Variants in HEATR9 observed in about 807,000 individuals in gnomAD.
The protein encoded by HEATR9 is protein HEATR9.
Under a neutral mutation model 68.2 loss-of-function variants are expected in HEATR9, and 54 were observed. The observed-to-expected ratio is 0.79, with a 90% CI of 0.64 to 0.99. HEATR9 has a LOEUF of 0.99. Ranked by LOEUF, HEATR9 falls within the 50% of genes least tolerant of loss-of-function variation. The pLI is 0.00. For missense variants in HEATR9, 662 were observed against 679.7 expected, an observed-to-expected ratio of 0.97 and a Z score of 0.29; for synonymous variants, 241 against 253.5, an observed-to-expected ratio of 0.95 and a Z score of 0.47.
intron 8 of HEATR9, chr17:35,861,416 A>G: frequency 6.2e-7 from 1 of 1,609,064 alleles, no homozygotes; most frequent in Non-Finnish European, 8.5e-7. Context: ...GCTTTGGTCC[A>G]CCTAACTTTG....
chr17:35,857,820 A>G (rs1182320940), intron 11 of HEATR9, among the ~76,000 whole-genome samples: 2 of 152,172 alleles, frequency 1.3e-5, no homozygotes, highest in Admixed American at 1.3e-4. Flanking sequence ...ATATAAAAGC[A>G]AGGGAACATA....
chr17:35,860,253 G>A (rs1277084549), intron 8 of HEATR9, among the ~76,000 whole-genome samples: 2 of 150,132 alleles, frequency 1.3e-5, no homozygotes, highest in Non-Finnish European at 3.0e-5. Context: ...TTAGCTGGGC[G>A]CAGTGGCAGC....
intron 7 of HEATR9, 65 bp from the exon 8 acceptor site, chr17:35,863,190 A>T: frequency 6.2e-7 from 1 of 1,601,432 alleles, no homozygotes; most frequent in South Asian, 1.1e-5. Flanking sequence ...GCAAGGACCC[A>T]TTGAACTCCA....
intron 6 of HEATR9, chr17:35,863,949 A>C (rs1431702533): frequency 3.7e-6 from 2 of 537,920 alleles, no homozygotes; most frequent in Non-Finnish European, 6.6e-6. Context: ...CGGTGTTTCC[A>C]GTAAAGGCAG....
intron 12 of HEATR9, chr17:35,856,472 C>G (rs1182362939): frequency 9.1e-7 from 1 of 1,098,594 alleles, no homozygotes; most frequent in African/African-American, 1.6e-5. Context: ...AAGTTCTTTT[C>G]ATGTCATAAT....
At chr17:35,865,681 G>T (rs2143968961) in intron 2 of HEATR9, among the ~76,000 whole-genome samples, 1 of 152,342 alleles carries the variant, frequency 6.6e-6, no homozygotes. Context: ...GATCCAGATT[G>T]TGAAGCCACT....
intron 13 of HEATR9, 105 bp downstream of exon 13, chr17:35,856,068 C>T (rs2087759834): frequency 5.5e-6 from 7 of 1,271,254 alleles, no homozygotes; most frequent in Non-Finnish European, 7.9e-6. Flanking sequence ...TAAACAACTT[C>T]CCCGAAGTTT....
At chr17:35,857,651 C>T (rs1036398675) in intron 11 of HEATR9, among the ~76,000 whole-genome samples, 37 of 151,720 alleles carry the variant, frequency 2.4e-4, no homozygotes, top group Non-Finnish European at 4.1e-4. Flanking sequence ...CCCAGCTACT[C>T]GGGAGGCTGA....
intron 11 of HEATR9, among the ~76,000 whole-genome samples, chr17:35,857,554 T>TCA (rs1470766681): frequency 6.6e-6 from 1 of 152,090 alleles, no homozygotes; most frequent in East Asian, 1.9e-4. Flanking sequence ...GGTCAGGAGA[T>TCA]CGAGCCCATC....
At chr17:35,867,930 G>A (rs1050799125) in intron 1 of HEATR9, among the ~76,000 whole-genome samples, 5 of 151,976 alleles carry the variant, frequency 3.3e-5, no homozygotes, top group African/African-American at 1.2e-4. Flanking sequence ...ATAGGTGCCC[G>A]CCACCACACC....
At chr17:35,865,110 T>C (rs1196554008) in intron 3 of HEATR9, 105 bp downstream of exon 3, 20 of 1,396,486 alleles carry the variant, frequency 1.4e-5, no homozygotes, top group Non-Finnish European at 1.2e-5. Flanking sequence ...CTCTGGGACC[T>C]GTAGGCTGAC....
At chr17:35,855,846 T>C (rs748376614) in intron 13 of HEATR9, 96 bp from the exon 14 acceptor site, 9 of 1,038,052 alleles carry the variant, frequency 8.7e-6, no homozygotes, top group Admixed American at 3.6e-5. Flanking sequence ...CTCTGCAGCA[T>C]AGAGAGGGGG....
intron 1 of HEATR9, among the ~76,000 whole-genome samples, chr17:35,867,096 A>T (rs1462374892): frequency 5.5e-5 from 1 of 18,042 alleles, no homozygotes; most frequent in East Asian, 5.7e-4. Context: ...CTAAAAATAC[A>T]AAAAAAAAAA....
intron 8 of HEATR9, chr17:35,861,271 A>G: frequency 6.9e-7 from 1 of 1,454,862 alleles, no homozygotes; most frequent in Non-Finnish European, 9.6e-7. Flanking sequence ...TTTCTGTTTG[A>G]TCTCTTCAAC....
At chr17:35,860,454 ATTTATTTATTTATTTATTTATTTAT>A (rs1388193842) in intron 8 of HEATR9, among the ~76,000 whole-genome samples, 5 of 127,048 alleles carry the variant, frequency 3.9e-5, no homozygotes, top group Non-Finnish European at 6.4e-5. Context: ...CCTTATTTTT[ATTTATTTATTTATTTATTTATTTAT>A]TTTATTTATT....
Position 35,863,520 on chromosome 17 carries a change from G to C in HEATR9, c.607C>G (p.Arg203Gly), listed in dbSNP as rs183997741. The change falls in exon 7 of 15, where the codon CGA becomes GGA. Residue 203 changes from arginine to glycine, a missense_variant. Arg to Gly is a moderately radical substitution (Grantham distance 125). Coordinates refer to ENST00000604834, the MANE Select transcript of HEATR9 (RefSeq NM_152781.4). ...GPEKVKYEAY[R>G]TLAILGCLNK... ...TACTCACCCAGGATGGCCAGGGTTC[G>C]GTAGGCCTCGTACTTCACTTTCTCT... 6 of 1,614,032 alleles carry C rather than the reference G, an allele frequency of 3.7e-6. No homozygotes were observed. In the East Asian group the frequency reaches 1.3e-4, roughly 36 times the overall value.
In HEATR9 at chr17:35,858,181, G is replaced by C. The variant is rs761059973; in HGVS notation, c.1152+19C>G. 14 of 1,613,986 alleles carry C rather than the reference G, an allele frequency of 8.7e-6. No homozygotes were observed. The South Asian group carries it at 1.5e-4, about 18-fold the overall frequency. Reference sequence around the variant, plus strand: ...AAGGTTTGGGTGTCTCTGGGCTTGGGAGCTTTGGTCTCACTTACAAGGAAG... The same window carrying C: ...AAGGTTTGGGTGTCTCTGGGCTTGGCAGCTTTGGTCTCACTTACAAGGAAG... On this transcript the variant is annotated intron_variant, in intron 11 of 14. Transcript: ENST00000604834.
intron 8 of HEATR9, among the ~76,000 whole-genome samples, chr17:35,862,556 T>C (rs1411394944): frequency 6.6e-6 from 1 of 152,246 alleles, no homozygotes; most frequent in Non-Finnish European, 1.5e-5. Context: ...ACATACATTA[T>C]CTCATTTAGT....
rs764923925 is a variant in HEATR9, at chr17:35,856,259, T to C, written c.1227-35A>G. The C allele has an allele frequency of 3.1e-6, 5 of 1,613,820 alleles. No individual in the cohort carries two copies. In the African/African-American group the frequency reaches 4.0e-5, roughly 13 times the overall value. On this transcript the variant is annotated intron_variant, in intron 12 of 14. Transcript: ENST00000604834. Reference sequence around the variant, plus strand: ...AGGGAGTGAGTATGTTATAGTTGAATTAAGGAGTAGGGGAAGTGGAAGGGA... The same window carrying C: ...AGGGAGTGAGTATGTTATAGTTGAACTAAGGAGTAGGGGAAGTGGAAGGGA...
Sources: gnomAD v4.1 joint callset for allele counts (sites outside exome capture counted in the v4.1 genomes callset) on GRCh38, gnomAD v4.1.1 for gene constraint, MANE v1.5 for transcripts, NCBI Gene and HGNC (gene_info 2026-07-23, HGNC 2026-07-21) for gene names.